The following LAMA1 variants were observed in gnomAD, a reference collection of about 807,000 sequenced individuals.
LAMA1 encodes the protein laminin subunit alpha 1.
In LAMA1, 219 loss-of-function variants were observed where a neutral mutation model predicts 348.7. That is an observed-to-expected ratio of 0.63 (90% CI 0.56 to 0.70). The LOEUF is 0.70. Among genes scored for constraint, LAMA1 ranks in the 30% least tolerant of loss-of-function variants. The pLI is 0.00. For missense variants in LAMA1, 3,744 were observed against 3,888.0 expected (o/e 0.96, Z 0.99); for synonymous variants, 1,487 against 1,491.0 (o/e 1.00, Z 0.06).
At chr18:7,034,359 T>TTAA in intron 14 of LAMA1, 120 bp downstream of exon 14, 1 of 771,888 alleles carries the variant, frequency 1.3e-6, no homozygotes, top group Non-Finnish European at 2.2e-6. Context: ...AGCCAGATCC[T>TTAA]GTAGCTGTGT....
chr18:7,074,010 A>G (rs1568056320), intron 3 of LAMA1, among the ~76,000 whole-genome samples: 2 of 150,960 alleles, frequency 1.3e-5, no homozygotes, highest in African/African-American at 4.9e-5. Context: ...AATTTTTTGT[A>G]TTTTAGTAGA....
chr18:7,098,928 G>A (rs1207715435), intron 1 of LAMA1, among the ~76,000 whole-genome samples: 14 of 151,900 alleles, frequency 9.2e-5, no homozygotes, highest in Non-Finnish European at 1.9e-4. Context: ...TGGGAAGTGA[G>A]GAGCCCCTCT....
chr18:6,966,524 T>C (rs2057634097), intron 48 of LAMA1, among the ~76,000 whole-genome samples: 1 of 152,214 alleles, frequency 6.6e-6, no homozygotes, highest in Non-Finnish European at 1.5e-5. Flanking sequence ...GCAGTATTCA[T>C]TGTGGTAAAA....
intron 19 of LAMA1, among the ~76,000 whole-genome samples, chr18:7,019,768 G>A (rs1038493502): frequency 7.6e-6 from 1 of 132,032 alleles, no homozygotes; most frequent in African/African-American, 2.9e-5. Context: ...TGCCACCTCC[G>A]CCTCCCAGGC....
chr18:7,079,772 TC>T, intron 3 of LAMA1: 1 of 593,754 alleles, frequency 1.7e-6, no homozygotes, highest in South Asian at 1.9e-5. Flanking sequence ...TTCACCCATC[TC>T]CCTGAAGACA....
At chr18:7,063,586 G>A (rs1222284981) in intron 3 of LAMA1, among the ~76,000 whole-genome samples, 1 of 152,124 alleles carries the variant, frequency 6.6e-6, no homozygotes, top group Non-Finnish European at 1.5e-5. Context: ...TAGCTAAAAG[G>A]TGGAAACAGC....
chr18:6,988,047 G>C (rs1271595060), intron 36 of LAMA1, among the ~76,000 whole-genome samples: 1 of 152,074 alleles, frequency 6.6e-6, no homozygotes, highest in Non-Finnish European at 1.5e-5. Flanking sequence ...CTGGGAGGTG[G>C]AGGTTGCAGT....
At chr18:7,025,895 G>A (rs1420447611) in intron 17 of LAMA1, 84 bp downstream of exon 17, 7 of 1,526,756 alleles carry the variant, frequency 4.6e-6, no homozygotes, top group South Asian at 2.4e-5. Context: ...TACACACACA[G>A]TCTTGCTCTG....
In LAMA1 at chr18:7,042,222, C is replaced by T. The variant is rs143535609; in HGVS notation, c.1184G>A (p.Arg395His). 3.7e-6 allele frequency: 6 copies of T among 1,611,262 alleles called. No individual in the cohort carries two copies. The African/African-American group carries it at 4.0e-5, about 11-fold the overall frequency. Residue 395 changes from arginine (R) to histidine (H), a missense_variant, in exon 9 of 63, where the codon CGC becomes CAC. Arg to His is a conservative substitution (Grantham distance 29, BLOSUM62 0). Transcript: ENST00000389658. ...CCCCACAGGGTCACAATTACAGGGG[C>T]GGCAAGGCTCATCCTCATAAGGAGA... ...KVSPYEDEPCRPCNCDPVGSL... is the reference protein window; with the variant it reads ...KVSPYEDEPCHPCNCDPVGSL...
chr18:7,008,946 G>T (rs2057845953), intron 27 of LAMA1, among the ~76,000 whole-genome samples: 1 of 152,122 alleles, frequency 6.6e-6, no homozygotes, highest in Admixed American at 6.5e-5. Flanking sequence ...GAAGACATGG[G>T]CATTTCAGTT....
chr18:7,015,587 A>AG, intron 22 of LAMA1, 135 bp downstream of exon 22: 1 of 756,692 alleles, frequency 1.3e-6, no homozygotes, highest in East Asian at 2.7e-5. Flanking sequence ...GCCCACATTG[A>AG]GTTTTTTTTT....
In LAMA1 at chr18:6,941,839, A is replaced by G; in HGVS notation, c.*240T>C. 9.6e-6 allele frequency: 5 copies of G among 522,018 alleles called. No individual in the cohort carries two copies. The South Asian group carries it at 1.0e-4, about 11-fold the overall frequency. The allele number at this position is 522,018 out of a possible 1,614,324, so 32.3% of individuals were successfully genotyped here. A position where few individuals can be genotyped will look rare whatever the true frequency, so the allele number is the denominator to read the frequency against. ...AATCAACAGAACATTCAATGTGTATAAAGATTTTTTTAAAAATACGTTTAA... is the reference window on the plus strand; with the variant it reads ...AATCAACAGAACATTCAATGTGTATGAAGATTTTTTTAAAAATACGTTTAA... On this transcript the variant is annotated 3_prime_UTR_variant, in exon 63 of 63. Transcript: ENST00000389658.
Position 6,955,081 on chromosome 18 carries a change from T to G in LAMA1, c.8207+272A>C, listed in dbSNP as rs937363819. 6.2e-6 allele frequency: 3 copies of G among 484,850 alleles called. No individual in the cohort carries two copies. In the East Asian group the frequency reaches 1.2e-4, roughly 20 times the overall value. The allele number at this position is 484,850 out of a possible 1,614,324, so 30.0% of individuals were successfully genotyped here. ...ATAGATCCAGGAGACTTAATTTAGATGCCCACACGCTTCCTTACATGCACA... is the reference window on the plus strand; with the variant it reads ...ATAGATCCAGGAGACTTAATTTAGAGGCCCACACGCTTCCTTACATGCACA... On this transcript the variant is annotated intron_variant, in intron 57 of 62. Coordinates refer to ENST00000389658, the MANE Select transcript of LAMA1 (RefSeq NM_005559.4).
At chr18:6,966,338 G>C (rs1018309232) in intron 48 of LAMA1, 41 bp from the exon 49 acceptor site, 6 of 1,590,248 alleles carry the variant, frequency 3.8e-6, no homozygotes, top group Admixed American at 1.7e-5. Flanking sequence ...ATTCTCAGGA[G>C]GGTAGAAAGA....
chr18:7,034,866 A>G (rs1391233508), intron 13 of LAMA1, among the ~76,000 whole-genome samples, 176 bp from the exon 14 acceptor site: 1 of 152,162 alleles, frequency 6.6e-6, no homozygotes, highest in Non-Finnish European at 1.5e-5. Context: ...AAGGTGTTTC[A>G]TTGTATTATT....
At chr18:6,963,933 C>T (rs1303510645) in intron 51 of LAMA1, 4 of 152,396 alleles carry the variant, frequency 2.6e-5, no homozygotes, top group African/African-American at 9.7e-5. Context: ...CTTCTTGATG[C>T]TGGTCTTTCA....
chr18:7,052,065 G>A (rs1022220855), intron 3 of LAMA1, among the ~76,000 whole-genome samples: 14 of 152,170 alleles, frequency 9.2e-5, no homozygotes, highest in African/African-American at 3.4e-4. Flanking sequence ...TATGGTGCAT[G>A]CAGACCATGG....
intron 3 of LAMA1, among the ~76,000 whole-genome samples, chr18:7,073,185 T>C (rs958826577): frequency 6.6e-6 from 1 of 152,196 alleles, no homozygotes; most frequent in African/African-American, 2.4e-5. Flanking sequence ...GTGGCTTCCA[T>C]ATTCCTGACT....
chr18:6,961,689 G>C lies in LAMA1; in HGVS notation c.7523C>G (p.Ser2508Ter). The change falls in exon 53 of 63, where the codon TCA becomes TGA. Residue 2508 changes from serine (S) to a stop codon, truncating the protein, a stop_gained. Coordinates refer to ENST00000389658, the MANE Select transcript of LAMA1 (RefSeq NM_005559.4). LOFTEE classifies it high-confidence loss of function. Reference sequence around the variant, plus strand: ...GGTGGCAAATGTTACCAGCCATTCTGATTCTGGTGACAAAGATTTGGGTGG... The same window carrying C: ...GGTGGCAAATGTTACCAGCCATTCTCATTCTGGTGACAAAGATTTGGGTGG... ...ELPPKSLSPE[S>*]EWLVTFATTN... 6.2e-7 allele frequency: 1 copy of C among 1,614,138 alleles called. No individual in the cohort carries two copies. Among genetic ancestry groups the C allele is most frequent in the Non-Finnish European group, 8.5e-7 (1 of 1,180,024 alleles).
Sources: gnomAD v4.1 joint callset for allele counts (sites outside exome capture counted in the v4.1 genomes callset) on GRCh38, gnomAD v4.1.1 for gene constraint, MANE v1.5 for transcripts, NCBI Gene and HGNC (gene_info 2026-07-23, HGNC 2026-07-21) for gene names.